The following PARP2 variants were observed in gnomAD, a reference collection of about 807,000 sequenced individuals.
PARP2 encodes the protein poly(ADP-ribose) polymerase 2.
In PARP2, 57 loss-of-function variants were observed where a neutral mutation model predicts 77.8. The observed-to-expected ratio is 0.73, with a 90% confidence interval of 0.59 to 0.91. The LOEUF is 0.91. Among genes scored for constraint, PARP2 ranks in the 40% least tolerant of loss-of-function variants. The pLI is 0.00. For synonymous variants in PARP2, 226 were observed against 242.6 expected (o/e 0.93, Z 0.64); for missense variants, 651 against 689.0 (o/e 0.94, Z 0.62).
chr14:20,344,989 C>T lies in PARP2; in HGVS notation c.104C>T (p.Pro35Leu). 2 of 1,614,044 alleles carry T rather than the reference C, an allele frequency of 1.2e-6. No individual in the cohort carries two copies. Among genetic ancestry groups the T allele is most frequent in the Non-Finnish European group, 1.7e-6 (2 of 1,179,946 alleles). The change falls in exon 2 of 16, where the codon CCT becomes CTT. Residue 35 changes from proline (P) to leucine (L), a missense_variant. Transcript: ENST00000429687. The stretch of plus-strand genomic sequence containing the variant: ...AACACGGCTCCAGAAGACTCTTCCC[C>T]TGCCAAGAAAACTCGTAGATGCCAG... ...NGNTAPEDSS[P>L]AKKTRRCQRQ...
Position 20,343,640 on chromosome 14 carries a change from C to G in PARP2, c.-2C>G. On this transcript the variant is annotated 5_prime_UTR_variant, in exon 1 of 16. Coordinates refer to ENST00000429687, the MANE Select transcript of PARP2 (RefSeq NM_001042618.2). ...GGTTGATGACGTCAGCGTTCGAATT[C>G]CATGGCGGCGCGGCGGCGACGGAGC... The G allele has an allele frequency of 6.2e-7, 1 of 1,610,024 alleles. No homozygotes were observed. Among genetic ancestry groups the G allele is most frequent in the South Asian group, 1.1e-5 (1 of 89,800 alleles).
chr14:20,351,874 AAG>A (rs72067119), intron 6 of PARP2, among the ~76,000 whole-genome samples: 37,162 of 151,978 alleles, frequency 0.24, 5,289 homozygotes, highest in South Asian at 0.38. Context: ...GAAAGAAAAA[AAG>A]AGAATATTCA....
rs1884152751 is a variant in PARP2 at position 20,356,394 on chromosome 14, G to A, written c.1189G>A (p.Asp397Asn). The A allele has an allele frequency of 1.2e-6, 2 of 1,614,142 alleles. No homozygotes were observed. Among genetic ancestry groups the A allele is most frequent in the Non-Finnish European group, 1.7e-6 (2 of 1,180,000 alleles). ...TLLDLFEVEK[D>N]GEKEAFREDL... ...GCTGGATTTGTTTGAAGTGGAGAAG[G>A]ATGGTGAGAAAGAAGCCTTCAGAGA... The change falls in exon 12 of 16, where the codon GAT (aspartate) becomes AAT (asparagine). Residue 397 changes from aspartate (D) to asparagine (N), a missense_variant. Asp to Asn is a conservative substitution (Grantham distance 23). Transcript: ENST00000429687.
chr14:20,354,962 GT>G lies in PARP2; in HGVS notation c.902+17del. 6.2e-7 allele frequency: 1 copy of G among 1,603,652 alleles called. No individual in the cohort carries two copies. Among genetic ancestry groups the G allele is most frequent in the South Asian group, 1.1e-5 (1 of 89,334 alleles). Reference sequence around the variant, plus strand: ...CATGACTTTGGGTAAGGCCTGTGCTGTTACTTCACTTTGTTCTTCTACCTAT... The same window carrying G: ...CATGACTTTGGGTAAGGCCTGTGCTGTACTTCACTTTGTTCTTCTACCTAT... On this transcript the variant is annotated intron_variant, in intron 9 of 15. Transcript: ENST00000429687.
chr14:20,352,190 C>T, intron 6 of PARP2, 55 bp from the exon 7 acceptor site: 1 of 908,066 alleles, frequency 1.1e-6, no homozygotes, highest in Non-Finnish European at 1.8e-6. Flanking sequence ...CTTGTAAGTC[C>T]ATCTTCATAG....
intron 9 of PARP2, 65 bp downstream of exon 9, chr14:20,355,012 A>C: frequency 7.2e-7 from 1 of 1,393,252 alleles, no homozygotes; most frequent in Non-Finnish European, 9.8e-7. Context: ...ATCCATCAGC[A>C]GCAGCTATAA....
chr14:20,355,102 A>T (rs1884097174), intron 9 of PARP2, 155 bp downstream of exon 9: 1 of 669,838 alleles, frequency 1.5e-6, no homozygotes, highest in South Asian at 2.2e-5. Flanking sequence ...TAGCCTATTT[A>T]ATCAGCTTAC....
rs771064796 is a variant in PARP2 at position 20,357,044 on chromosome 14, A to T, written c.1330-7A>T. 6.4e-7 allele frequency: 1 copy of T among 1,567,340 alleles called. No homozygotes were observed. Among genetic ancestry groups the T allele is most frequent in the South Asian group, 1.1e-5 (1 of 90,200 alleles). On this transcript the variant is annotated splice_polypyrimidine_tract_variant and splice_region_variant and intron_variant, in intron 13 of 15. Coordinates refer to ENST00000429687, the MANE Select transcript of PARP2 (RefSeq NM_001042618.2). ...AGCTGACCTTGGTATTCATGTATATATTTCAGTTTGGGAAAGGAATCTACT... is the reference window on the plus strand; with the variant it reads ...AGCTGACCTTGGTATTCATGTATATTTTTCAGTTTGGGAAAGGAATCTACT...
In PARP2 at chr14:20,357,832, C is replaced by T. The variant is rs1884215896; in HGVS notation, c.*35C>T. The stretch of plus-strand genomic sequence containing the variant: ...TTAAATAAACCAGAGATCTGATCTT[C>T]AAGCAAGAAAATAAGCAGTGTTGTA... On this transcript the variant is annotated 3_prime_UTR_variant, in exon 16 of 16. Coordinates refer to ENST00000429687, the MANE Select transcript of PARP2 (RefSeq NM_001042618.2). 2 of 1,585,708 alleles carry T rather than the reference C, an allele frequency of 1.3e-6. No homozygotes were observed. Among genetic ancestry groups the T allele is most frequent in the African/African-American group, 1.4e-5 (1 of 73,750 alleles).
At chr14:20,353,728 A>G (rs993224290) in intron 7 of PARP2, among the ~76,000 whole-genome samples, 2 of 152,192 alleles carry the variant, frequency 1.3e-5, no homozygotes, top group African/African-American at 4.8e-5. Flanking sequence ...AAAATGGAGA[A>G]GTTTTAGTCT....
chr14:20,350,049 T>C (rs1230415165), intron 4 of PARP2, among the ~76,000 whole-genome samples: 1 of 152,238 alleles, frequency 6.6e-6, no homozygotes, highest in African/African-American at 2.4e-5. Flanking sequence ...CAGCTCATTG[T>C]CAAATTTCTG....
rs753542256 is a variant in PARP2, at chr14:20,355,729, A to G, written c.903-23A>G. On this transcript the variant is annotated intron_variant, in intron 9 of 15. Coordinates refer to ENST00000429687, the MANE Select transcript of PARP2 (RefSeq NM_001042618.2). ...TTAGCCACATGTCAGAAAGCTCATT[A>G]TGGGTTATATCTCTGTTCTTAGACT... The G allele has an allele frequency of 2.5e-6, 4 of 1,601,090 alleles. No individual in the cohort carries two copies. The Admixed American group carries it at 6.7e-5, about 27-fold the overall frequency.
At chr14:20,343,762 C>A in intron 1 of PARP2, 75 bp downstream of exon 1, 1 of 1,443,472 alleles carries the variant, frequency 6.9e-7, no homozygotes, top group Non-Finnish European at 9.6e-7. Context: ...CTACTGTGAC[C>A]CCCTTCCCCT....
intron 11 of PARP2, 99 bp downstream of exon 11, chr14:20,356,130 A>G (rs374042872): frequency 5.4e-6 from 8 of 1,470,830 alleles, no homozygotes; most frequent in South Asian, 1.3e-5. Flanking sequence ...CAAATTGTCA[A>G]TTAGGGCAGA....
intron 4 of PARP2, 76 bp downstream of exon 4, chr14:20,346,989 G>A (rs1322978433): frequency 1.1e-6 from 1 of 912,346 alleles, no homozygotes; most frequent in African/African-American, 1.7e-5. Context: ...TAGCATCACA[G>A]TGTTCAGATC....
Position 20,343,694 on chromosome 14 carries a change from A to G in PARP2, c.46+7A>G. 4 of 1,609,338 alleles carry G rather than the reference A, an allele frequency of 2.5e-6. No homozygotes were observed. The highest frequency in any genetic ancestry group is 3.4e-6 in the Non-Finnish European group (4 of 1,178,586). ...GGCGGCGGCAGGGCGAGAGGTTCGG[A>G]GCTCAATATCGCGGGACGGCATGCG... is the stretch of plus-strand genomic sequence containing the variant. On this transcript the variant is annotated splice_region_variant and intron_variant, in intron 1 of 15. Transcript: ENST00000429687.
Position 20,345,436 on chromosome 14 carries a change from A to G in PARP2, c.245A>G (p.Asp82Gly), listed in dbSNP as rs1385129693. The G allele has an allele frequency of 1.2e-6, 2 of 1,613,830 alleles. No homozygotes were observed. The highest frequency in any genetic ancestry group is 2.7e-5 in the African/African-American group (2 of 74,910). ...CTGTTAAAGGGCAAAGCTCCTGTGGACCCAGAGTGTACAGCCAAGGTGGGG... is the reference window on the plus strand; with the variant it reads ...CTGTTAAAGGGCAAAGCTCCTGTGGGCCCAGAGTGTACAGCCAAGGTGGGG... The part of the protein sequence containing the change: ...ALLLKGKAPV[D>G]PECTAKVGKA... The change falls in exon 3 of 16, where the codon GAC (aspartate) becomes GGC (glycine). Residue 82 changes from aspartate to glycine, a missense_variant. Transcript: ENST00000429687.
chr14:20,349,256 G>C (rs1883875414), intron 4 of PARP2, among the ~76,000 whole-genome samples: 1 of 151,900 alleles, frequency 6.6e-6, no homozygotes, highest in Admixed American at 6.6e-5. Flanking sequence ...GGAGGTTGAG[G>C]CTACAGTGAG....
chr14:20,350,924 T>A, intron 5 of PARP2, 123 bp from the exon 6 acceptor site: 1 of 735,020 alleles, frequency 1.4e-6, no homozygotes. Context: ...ATTAGTTCCC[T>A]AAATCCTTTC....
Sources: allele counts gnomAD v4.1 joint callset (sites outside exome capture counted in the v4.1 genomes callset), GRCh38; gene constraint gnomAD v4.1.1; transcripts MANE v1.5; gene names NCBI Gene and HGNC (gene_info 2026-07-23, HGNC 2026-07-21).